NBEA: variants seen among roughly 807,000 people sequenced by gnomAD.
NBEA encodes the protein neurobeachin, also known as lysosomal-trafficking regulator 2.
In NBEA, 44 loss-of-function variants were observed where a neutral mutation model predicts 343.4. The observed-to-expected ratio is 0.13, with a 90% CI of 0.10 to 0.16. The LOEUF (loss-of-function observed/expected upper bound fraction) is 0.16, where lower values mean the gene tolerates loss of function less well. Among genes scored for constraint, NBEA ranks in the 10% least tolerant of loss-of-function variants. The probability of loss-of-function intolerance (pLI) is 1.00; values close to 1 mark genes in which losing one functional copy is unlikely to be tolerated. For missense variants in NBEA, 2,555 were observed against 3,631.3 expected (o/e 0.70, Z 7.62); for synonymous variants, 1,175 against 1,238.7 (o/e 0.95, Z 1.08).
chr13:35,124,633 C>CACATATATGGATATAT (rs2066995241), intron 17 of NBEA, among the ~76,000 whole-genome samples: 1 of 81,676 alleles, frequency 1.2e-5, no homozygotes, highest in Non-Finnish European at 3.6e-5. Context: ...GATATACATA[C>CACATATATGGATATAT]ACACACATAT....
At chr13:35,403,274 A>G (rs1486029217) in intron 38 of NBEA, among the ~76,000 whole-genome samples, 2 of 152,078 alleles carry the variant, frequency 1.3e-5, no homozygotes, top group South Asian at 2.1e-4. Flanking sequence ...AATATTAATA[A>G]TAGCTGCCTA....
Position 35,058,774 on chromosome 13 carries a change from T to C in NBEA, c.1150T>C (p.Cys384Arg). 6.3e-7 allele frequency: 1 copy of C among 1,599,058 alleles called. No homozygotes were observed. ...AACTGCTGATGCAAATAGGGTATTC[T>C]GTGGTCAACTTGGTGCCGTGTATGT... The part of the protein sequence containing the change: ...SETADANRVF[C>R]GQLGAVYVFS... Residue 384 changes from cysteine to arginine, a missense_variant, in exon 8 of 59, where the codon TGT becomes CGT. This residue lies in a region of NBEA where 75 missense variants were observed against 237.4 expected (regional missense o/e 0.32). Transcript: ENST00000379939.
At chr13:35,326,193 A>T (rs941511260) in intron 36 of NBEA, among the ~76,000 whole-genome samples, 2 of 152,066 alleles carry the variant, frequency 1.3e-5, no homozygotes, top group Non-Finnish European at 2.9e-5. Context: ...AAAAAATGAC[A>T]TTGGTAGTTT....
At chr13:35,126,519 C>G (rs1294022866) in intron 17 of NBEA, among the ~76,000 whole-genome samples, 2 of 151,312 alleles carry the variant, frequency 1.3e-5, no homozygotes, top group African/African-American at 4.9e-5. Context: ...TAGTGAAATA[C>G]ACAGAAGATA....
chr13:35,404,824 G>A (rs963573049), intron 38 of NBEA, among the ~76,000 whole-genome samples: 3 of 152,032 alleles, frequency 2.0e-5, no homozygotes, highest in Non-Finnish European at 4.4e-5. Flanking sequence ...GTATTTTAGA[G>A]AGAGGAATGT....
At position 35,508,791 on chromosome 13, in the gene NBEA, T is replaced by A. The variant is rs546734872; in HGVS notation, c.6585+36255T>A. 2.0e-5 allele frequency among the ~76,000 whole-genome samples: 3 copies of A among 152,078 alleles called. No homozygotes were observed. The East Asian group carries it at 5.8e-4, about 29-fold the overall frequency. On this transcript the variant is annotated intron_variant, in intron 41 of 58. Coordinates refer to ENST00000379939, the MANE Select transcript of NBEA (RefSeq NM_001385012.1). ...GATCTAGGATCTAGGGGAGTGGAGGTCTCAGCTGCAGGTAAATCTGTGAGG... is the reference window on the plus strand; with the variant it reads ...GATCTAGGATCTAGGGGAGTGGAGGACTCAGCTGCAGGTAAATCTGTGAGG...
At chr13:35,475,262 C>T (rs2075809457) in intron 41 of NBEA, 5 of 1,613,908 alleles carry the variant, frequency 3.1e-6, no homozygotes, top group African/African-American at 1.3e-5. Context: ...AGGCAAGACT[C>T]GTCCCAGTCC....
intron 41 of NBEA, chr13:35,474,763 C>G (rs1459955957): frequency 3.3e-6 from 1 of 307,530 alleles, no homozygotes; most frequent in South Asian, 6.9e-5. Flanking sequence ...CTCGGTCTGG[C>G]GTTACAGCTG....
intron 38 of NBEA, among the ~76,000 whole-genome samples, chr13:35,396,296 A>T (rs1314129063): frequency 6.6e-6 from 1 of 151,948 alleles, no homozygotes; most frequent in Admixed American, 6.6e-5. Context: ...TAGCTCTAAA[A>T]TTTTAATATT....
intron 46 of NBEA, among the ~76,000 whole-genome samples, chr13:35,588,463 G>A (rs1170718940): frequency 6.6e-6 from 1 of 152,060 alleles, no homozygotes; most frequent in Admixed American, 6.6e-5. Context: ...TTTAGACCTA[G>A]TCATTAAACT....
chr13:35,523,189 C>T (rs2077802961), intron 41 of NBEA, among the ~76,000 whole-genome samples: 1 of 152,118 alleles, frequency 6.6e-6, no homozygotes, highest in African/African-American at 2.4e-5. Flanking sequence ...GAAACCTTTC[C>T]ATCCACTATT....
chr13:35,440,599 G>A (rs2045687335), intron 39 of NBEA, among the ~76,000 whole-genome samples: 1 of 152,134 alleles, frequency 6.6e-6, no homozygotes. Flanking sequence ...TGTATTCAAG[G>A]AATGGAAAAT....
chr13:35,255,429 G>A (rs760578845), intron 34 of NBEA, among the ~76,000 whole-genome samples: 35 of 152,204 alleles, frequency 2.3e-4, no homozygotes, highest in African/African-American at 8.0e-4. Flanking sequence ...GATCCCATGC[G>A]AGCCAGGCAC....
intron 41 of NBEA, 84 bp from the exon 42 acceptor site, chr13:35,550,393 C>A: frequency 1.4e-6 from 1 of 738,488 alleles, no homozygotes. Context: ...TTCTAGTTTT[C>A]TGACTTTTAC....
intron 36 of NBEA, among the ~76,000 whole-genome samples, chr13:35,343,631 T>G (rs965723845): frequency 1.3e-5 from 2 of 152,112 alleles, no homozygotes; most frequent in African/African-American, 4.8e-5. Flanking sequence ...ATTGCTGGCA[T>G]CACCGCCTGA....
intron 13 of NBEA, among the ~76,000 whole-genome samples, chr13:35,115,835 C>T (rs1427100357): frequency 9.9e-5 from 15 of 152,064 alleles, no homozygotes; most frequent in Non-Finnish European, 1.5e-5. Context: ...CTATTTAATC[C>T]TCACAAGATG....
At chr13:35,409,291 A>C (rs1047187129) in intron 38 of NBEA, among the ~76,000 whole-genome samples, 1 of 152,108 alleles carries the variant, frequency 6.6e-6, no homozygotes, top group Non-Finnish European at 1.5e-5. Flanking sequence ...AAGCTAAATG[A>C]TGAGAACACA....
chr13:35,510,092 G>A (rs565213080), intron 41 of NBEA, among the ~76,000 whole-genome samples: 1 of 152,172 alleles, frequency 6.6e-6, no homozygotes, highest in African/African-American at 2.4e-5. Context: ...ACATACTTTT[G>A]AAAACATTTG....
chr13:35,284,154 T>C (rs998703294), intron 34 of NBEA, among the ~76,000 whole-genome samples: 2 of 152,286 alleles, frequency 1.3e-5, no homozygotes, highest in East Asian at 1.9e-4. Flanking sequence ...CAGAAACTTA[T>C]AGCCACCAAA....
Sources: allele counts gnomAD v4.1 joint callset (sites outside exome capture counted in the v4.1 genomes callset), GRCh38; gene constraint gnomAD v4.1.1; regional missense constraint gnomAD v4.1.1; transcripts MANE v1.5; gene names NCBI Gene and HGNC (gene_info 2026-07-23, HGNC 2026-07-21).